The following RANBP9 variants were observed in gnomAD, a reference collection of about 807,000 sequenced individuals.
RANBP9 encodes the protein RAN binding protein 9.
A neutral mutation model predicts 84.3 loss-of-function variants in RANBP9; 15 were observed. The ratio of observed to expected loss-of-function variants is 0.18; its 90% CI spans 0.12 to 0.27. RANBP9 has a LOEUF of 0.27. Among genes scored for constraint, RANBP9 ranks in the 10% least tolerant of loss-of-function variants. The probability of loss-of-function intolerance (pLI) is 1.00; values close to 1 mark genes in which losing one functional copy is unlikely to be tolerated. For missense variants in RANBP9, 809 were observed against 912.8 expected (o/e 0.89, Z 1.46); for synonymous variants, 392 against 349.6 (o/e 1.12, Z -1.35).
intron 2 of RANBP9, among the ~76,000 whole-genome samples, chr6:13,695,439 TAAAC>T (rs1181013315): frequency 3.3e-5 from 5 of 150,062 alleles, no homozygotes; most frequent in Non-Finnish European, 7.4e-5. Flanking sequence ...AAAAAGATTT[TAAAC>T]AAGCTAAATT....
chr6:13,658,913 A>G (rs1765473524), intron 2 of RANBP9, 81 bp from the exon 3 acceptor site: 2 of 1,366,510 alleles, frequency 1.5e-6, no homozygotes, highest in South Asian at 1.2e-5. Flanking sequence ...GTCTCAAACA[A>G]TATCAGAACC....
At chr6:13,691,000 C>T (rs757536944) in intron 2 of RANBP9, among the ~76,000 whole-genome samples, 4 of 151,932 alleles carry the variant, frequency 2.6e-5, no homozygotes, top group Non-Finnish European at 4.4e-5. Flanking sequence ...AACCCCATCT[C>T]TCCTGAAAAT....
chr6:13,694,277 G>A (rs1766390339), intron 2 of RANBP9, among the ~76,000 whole-genome samples: 1 of 152,194 alleles, frequency 6.6e-6, no homozygotes, highest in Admixed American at 6.5e-5. Flanking sequence ...TTCAACTGGG[G>A]AGTGGGTAAG....
chr6:13,697,471 CT>C (rs1404153334), intron 1 of RANBP9, among the ~76,000 whole-genome samples: 5 of 152,168 alleles, frequency 3.3e-5, no homozygotes, highest in Admixed American at 3.3e-4. Flanking sequence ...CCAATAATAG[CT>C]TATTGAGAAA....
chr6:13,631,107 C>A (rs1443002817), intron 12 of RANBP9, among the ~76,000 whole-genome samples: 1 of 152,176 alleles, frequency 6.6e-6, no homozygotes, highest in African/African-American at 2.4e-5. Flanking sequence ...CGCGCCCGGC[C>A]TGATTTGACT....
chr6:13,691,648 T>A (rs769609092), intron 2 of RANBP9, among the ~76,000 whole-genome samples: 1 of 147,590 alleles, frequency 6.8e-6, no homozygotes, highest in Non-Finnish European at 1.5e-5. Flanking sequence ...AAACTCAGTG[T>A]TTTTTTTTTG....
chr6:13,711,174 C>T lies in RANBP9; in HGVS notation c.332G>A (p.Gly111Asp), dbSNP rs967550710. ...GPPAPPGLAA[G>D]PGPAGGAPTP... ...CGGGGCTCCTCCAGCCGGGCCGGGG[C>T]CCGCTGCAAGGCCCGGGGGAGCGGG... The change falls in exon 1 of 14, where the codon GGC becomes GAC. Residue 111 changes from glycine (G) to aspartate (D), a missense_variant. Gly to Asp is a moderately conservative substitution (Grantham distance 94). Transcript: ENST00000011619. The T allele has an allele frequency of 7.0e-7, 1 of 1,423,686 alleles. No homozygotes were observed. Among genetic ancestry groups the T allele is most frequent in the Admixed American group, 2.8e-5 (1 of 35,642 alleles). 88.2% of individuals were successfully genotyped at this position (1,423,686 alleles called of 1,614,324 possible).
intron 4 of RANBP9, among the ~76,000 whole-genome samples, chr6:13,655,507 T>C (rs1040462569): frequency 1.8e-4 from 27 of 152,150 alleles, no homozygotes; most frequent in African/African-American, 6.0e-4. Context: ...TAAAAATTTA[T>C]AATGTGACTC....
intron 2 of RANBP9, among the ~76,000 whole-genome samples, chr6:13,694,746 A>G (rs190500182): frequency 1.5e-4 from 23 of 152,274 alleles, no homozygotes; most frequent in African/African-American, 5.1e-4. Context: ...CCCTGTCCCC[A>G]CCTGGGAATC....
chr6:13,683,339 G>C (rs1022695945), intron 2 of RANBP9, among the ~76,000 whole-genome samples: 15 of 152,188 alleles, frequency 9.9e-5, no homozygotes, highest in Admixed American at 7.8e-4. Flanking sequence ...TGTTTTCCTG[G>C]TTCTGAAAAA....
chr6:13,692,950 ATAAGT>A (rs1269951580), intron 2 of RANBP9, among the ~76,000 whole-genome samples: 1 of 152,264 alleles, frequency 6.6e-6, no homozygotes, highest in East Asian at 1.9e-4. Context: ...AAAGCCAGCT[ATAAGT>A]TAAGTACTGG....
chr6:13,632,509 C>G lies in RANBP9; in HGVS notation c.1808G>C (p.Ser603Thr), dbSNP rs1281674021. The stretch of plus-strand genomic sequence containing the variant: ...TCCACACAACTGGCGTCTCAACTGA[C>G]TTGAATCAACTTCTGTAAGAAAAAC... Reference protein sequence around the residue: ...DCDTEMEVDSSQLRRQLCGGS... With the variant: ...DCDTEMEVDSTQLRRQLCGGS... Residue 603 changes from serine (S) to threonine (T), a missense_variant, in exon 12 of 14, where the codon AGT (serine) becomes ACT (threonine). Physicochemically the swap from Ser to Thr is moderately conservative, Grantham distance 58. This residue lies in a region of RANBP9 where 233 missense variants were observed against 234.4 expected (regional missense o/e 0.99). Transcript: ENST00000011619. 6.2e-7 allele frequency: 1 copy of G among 1,612,800 alleles called. No individual in the cohort carries two copies. Among genetic ancestry groups the G allele is most frequent in the Admixed American group, 1.7e-5 (1 of 59,960 alleles).
chr6:13,696,308 T>G (rs1484953042), intron 2 of RANBP9, among the ~76,000 whole-genome samples: 1 of 152,194 alleles, frequency 6.6e-6, no homozygotes, highest in Non-Finnish European at 1.5e-5. Context: ...GAATTCTCAT[T>G]TGGAAATTTC....
chr6:13,645,707 T>C (rs913485699), intron 5 of RANBP9, among the ~76,000 whole-genome samples: 2 of 152,174 alleles, frequency 1.3e-5, no homozygotes, highest in Non-Finnish European at 2.9e-5. Context: ...CCAAAACTGA[T>C]TTTTCCTCTT....
chr6:13,688,088 T>C (rs1766233889), intron 2 of RANBP9, among the ~76,000 whole-genome samples: 1 of 152,224 alleles, frequency 6.6e-6, no homozygotes, highest in Non-Finnish European at 1.5e-5. Context: ...GGTACTCTAA[T>C]AAGTGCTTTA....
intron 3 of RANBP9, among the ~76,000 whole-genome samples, chr6:13,658,466 G>A (rs1403432287): frequency 5.9e-5 from 9 of 151,932 alleles, no homozygotes; most frequent in Non-Finnish European, 8.8e-5. Flanking sequence ...AAAATTAGCC[G>A]GGCCTGGTGG....
intron 10 of RANBP9, among the ~76,000 whole-genome samples, chr6:13,636,668 A>G (rs1342968083): frequency 2.0e-5 from 3 of 152,228 alleles, no homozygotes; most frequent in East Asian, 1.9e-4. Flanking sequence ...TTTTTAAACT[A>G]TAATATTTTG....
intron 1 of RANBP9, among the ~76,000 whole-genome samples, chr6:13,701,293 A>G (rs370559100): frequency 3.9e-5 from 6 of 152,214 alleles, no homozygotes; most frequent in African/African-American, 1.2e-4. Context: ...AAATCTTATG[A>G]ACAGCCACTG....
rs1765091328 is a variant in RANBP9, at chr6:13,642,543, C to T, written c.1161G>A (p.Glu387=). Residue 387 remains glutamate, a synonymous_variant, in exon 7 of 14, where the codon GAG becomes GAA. Transcript: ENST00000011619. ...LVHHGYCATA[E]AFARSTDQTV... is the part of the protein sequence containing the mutation. The stretch of plus-strand genomic sequence containing the variant: ...TCTGGTCTGTAGATCTGGCAAAGGC[C>T]TCTGCTGTGGCACAGTACCCATGGT... The T allele has an allele frequency of 6.2e-7, 1 of 1,612,116 alleles. No homozygotes were observed. Among genetic ancestry groups the T allele is most frequent in the Admixed American group, 1.7e-5 (1 of 59,936 alleles).
Sources: allele counts gnomAD v4.1 joint callset (sites outside exome capture counted in the v4.1 genomes callset), GRCh38; gene constraint gnomAD v4.1.1; regional missense constraint gnomAD v4.1.1; transcripts MANE v1.5; gene names NCBI Gene and HGNC (gene_info 2026-07-23, HGNC 2026-07-21).